COL25A1: variants seen among roughly 807,000 people sequenced by gnomAD.
COL25A1 encodes collagen type XXV alpha 1 chain.
COL25A1 carries 103 observed loss-of-function variants against 128.4 expected under a neutral mutation model. That is an observed-to-expected ratio of 0.80 (90% CI 0.68 to 0.94). COL25A1 has a LOEUF of 0.94. COL25A1 is among the 40% of genes least tolerant of loss of function. COL25A1 has a pLI of 0.00. For synonymous variants in COL25A1, 279 were observed against 277.2 expected (o/e 1.01, Z -0.06); for missense variants, 745 against 840.0 (o/e 0.89, Z 1.40).
chr4:108,920,424 C>T (rs890616467), intron 12 of COL25A1, among the ~76,000 whole-genome samples, 154 bp downstream of exon 12: 4 of 152,078 alleles, frequency 2.6e-5, no homozygotes, highest in Non-Finnish European at 4.4e-5. Context: ...ATCTAATGCT[C>T]ACATTATGTG....
Position 108,810,006 on chromosome 4 carries a change from T to G in COL25A1, c.*3921A>C, listed in dbSNP as rs558870395. The G allele has an allele frequency of 6.6e-6, 1 of 152,064 alleles. No individual in the cohort carries two copies. Among genetic ancestry groups the G allele is most frequent in the South Asian group, 2.1e-4 (1 of 4,834 alleles). The allele number at this position is 152,064 out of a possible 1,614,324, so 9.4% of individuals were successfully genotyped here. A position where few individuals can be genotyped will look rare whatever the true frequency, so the allele number is the denominator to read the frequency against. On this transcript the variant is annotated 3_prime_UTR_variant, in exon 38 of 38. Coordinates refer to ENST00000399132, the MANE Select transcript of COL25A1 (RefSeq NM_198721.4). Reference sequence around the variant, plus strand: ...TTTGTAGTGTGAAATATTAATATAATTTGATTATTAGGAAGTAAGAAAAAA... The same window carrying G: ...TTTGTAGTGTGAAATATTAATATAAGTTGATTATTAGGAAGTAAGAAAAAA...
chr4:109,273,674 C>T (rs1482457748), intron 3 of COL25A1, among the ~76,000 whole-genome samples: 3 of 152,054 alleles, frequency 2.0e-5, no homozygotes, highest in Admixed American at 6.6e-5. Flanking sequence ...AACAGCAATC[C>T]TATTTTAAGG....
At chr4:109,186,299 T>A (rs1016221596) in intron 3 of COL25A1, among the ~76,000 whole-genome samples, 3 of 152,230 alleles carry the variant, frequency 2.0e-5, no homozygotes, top group Non-Finnish European at 2.9e-5. Flanking sequence ...CAAAACTTCT[T>A]CTAATCTTTC....
intron 37 of COL25A1, among the ~76,000 whole-genome samples, chr4:108,816,015 A>G (rs1015044036): frequency 1.3e-5 from 2 of 152,146 alleles, no homozygotes; most frequent in Admixed American, 6.5e-5. Flanking sequence ...TTAAGTGGTA[A>G]TTCCAGCTCA....
intron 3 of COL25A1, among the ~76,000 whole-genome samples, chr4:109,297,789 T>A (rs2126290738): frequency 6.6e-6 from 1 of 150,494 alleles, no homozygotes; most frequent in East Asian, 2.0e-4. Flanking sequence ...GTCTAATGGA[T>A]AGCCACTAAT....
chr4:109,021,152 T>A (rs1391773591), intron 5 of COL25A1, among the ~76,000 whole-genome samples: 1 of 152,238 alleles, frequency 6.6e-6, no homozygotes, highest in East Asian at 1.9e-4. Context: ...TTTGTATTTT[T>A]ATGTCATATC....
At chr4:109,058,004 T>C (rs1432601286) in intron 3 of COL25A1, among the ~76,000 whole-genome samples, 1 of 152,222 alleles carries the variant, frequency 6.6e-6, no homozygotes, top group East Asian at 1.9e-4. Context: ...CTGGGCTTTA[T>C]ATAGATGCTT....
Position 108,812,619 on chromosome 4 carries a change from G to T in COL25A1, c.*1308C>A, listed in dbSNP as rs1157695295. 1.3e-5 allele frequency: 2 copies of T among 151,946 alleles called. No homozygotes were observed. The highest frequency in any genetic ancestry group is 6.6e-5 in the Admixed American group (1 of 15,254). 9.4% of individuals were successfully genotyped at this position (151,946 alleles called of 1,614,324 possible). On this transcript the variant is annotated 3_prime_UTR_variant, in exon 38 of 38. Transcript: ENST00000399132. ...TAAAAAAATTGTTCAAAACATATGT[G>T]ACAAAAACTGAAACTAATATTTTTT...
chr4:109,297,348 A>G (rs1434678002), intron 3 of COL25A1, among the ~76,000 whole-genome samples: 2 of 152,106 alleles, frequency 1.3e-5, no homozygotes, highest in Non-Finnish European at 2.9e-5. Flanking sequence ...GGAGTCACAT[A>G]ATTAAGCTAC....
At chr4:109,167,154 T>C (rs1319282391) in intron 3 of COL25A1, among the ~76,000 whole-genome samples, 6 of 152,194 alleles carry the variant, frequency 3.9e-5, no homozygotes, top group Non-Finnish European at 7.4e-5. Flanking sequence ...AAAAATCCTA[T>C]AGGAATTTGT....
chr4:109,098,347 T>C (rs1031394932), intron 3 of COL25A1, among the ~76,000 whole-genome samples: 2 of 152,168 alleles, frequency 1.3e-5, no homozygotes, highest in African/African-American at 4.8e-5. Flanking sequence ...TATAGGAAAC[T>C]GGGAACCCAA....
At chr4:108,899,690 C>A (rs1392980242) in intron 14 of COL25A1, among the ~76,000 whole-genome samples, 1 of 152,002 alleles carries the variant, frequency 6.6e-6, no homozygotes, top group African/African-American at 2.4e-5. Context: ...ATCTTGAACC[C>A]CTTACAATGT....
chr4:109,128,578 A>T (rs1042903226), intron 3 of COL25A1, among the ~76,000 whole-genome samples: 2 of 152,170 alleles, frequency 1.3e-5, no homozygotes, highest in Admixed American at 1.3e-4. Flanking sequence ...GCAAGACATC[A>T]GGGAGTTCGG....
intron 3 of COL25A1, among the ~76,000 whole-genome samples, chr4:109,086,636 T>C (rs1014072655): frequency 6.6e-6 from 1 of 152,226 alleles, no homozygotes; most frequent in Non-Finnish European, 1.5e-5. Flanking sequence ...GGACTCTTAA[T>C]GCATCTAAAT....
chr4:109,149,170 A>G (rs967410211), intron 3 of COL25A1, among the ~76,000 whole-genome samples: 3 of 152,222 alleles, frequency 2.0e-5, no homozygotes, highest in Admixed American at 6.5e-5. Context: ...TATTACAAGT[A>G]AGTACTCTAT....
At chr4:108,927,994 G>C (rs1175413983) in intron 11 of COL25A1, among the ~76,000 whole-genome samples, 1 of 152,076 alleles carries the variant, frequency 6.6e-6, no homozygotes, top group African/African-American at 2.4e-5. Context: ...ACTAAAATTA[G>C]CTCACTCCAG....
intron 5 of COL25A1, among the ~76,000 whole-genome samples, chr4:109,034,496 AGTGGTTCTGTCCATGTGACAAGGT>A (rs1230917219): frequency 3.3e-5 from 5 of 152,180 alleles, no homozygotes; most frequent in Admixed American, 3.3e-4. Flanking sequence ...ATCACTGCAG[AGTGGTTCTGTCCATGTGACAAGGT>A]CCCTCTTCAA....
chr4:109,152,150 C>A (rs1771564547), intron 3 of COL25A1, among the ~76,000 whole-genome samples: 1 of 150,450 alleles, frequency 6.6e-6, no homozygotes, highest in Non-Finnish European at 1.5e-5. Flanking sequence ...CAGACTCTTA[C>A]TTTCAAGTGT....
intron 3 of COL25A1, among the ~76,000 whole-genome samples, chr4:109,225,927 A>T (rs2126215013): frequency 6.6e-6 from 1 of 151,930 alleles, no homozygotes; most frequent in South Asian, 2.1e-4. Context: ...GTCACACGCT[A>T]GTTTGTATTT....
Sources: gnomAD v4.1 joint callset for allele counts (sites outside exome capture counted in the v4.1 genomes callset) on GRCh38, gnomAD v4.1.1 for gene constraint, MANE v1.5 for transcripts, NCBI Gene and HGNC (gene_info 2026-07-23, HGNC 2026-07-21) for gene names.